Variants in APBA1 observed in about 807,000 individuals in gnomAD.
APBA1 encodes the protein amyloid beta precursor protein binding family A member 1, also known as amyloid-beta A4 precursor protein-binding family A member 1.
APBA1 carries 55 observed loss-of-function variants against 86.6 expected under a neutral mutation model. The ratio of observed to expected loss-of-function variants is 0.64; its 90% CI spans 0.51 to 0.80. APBA1 has a LOEUF of 0.80. APBA1 is among the 30% of genes least tolerant of loss of function. APBA1 has a pLI of 0.00. For synonymous variants in APBA1, 511 were observed against 493.9 expected (o/e 1.03, Z -0.46); for missense variants, 1,090 against 1,183.0 (o/e 0.92, Z 1.15).
At position 69,630,198 on chromosome 9, in the gene APBA1, A is replaced by G. The variant is rs139938226; in HGVS notation, c.-70+41955T>C. 4.6e-3 allele frequency among the ~76,000 whole-genome samples: 696 copies of G among 152,274 alleles called. 3 individuals carry two copies. Among genetic ancestry groups the G allele is most frequent in the Non-Finnish European group, 6.6e-3 (450 of 68,002 alleles). On this transcript the variant is annotated intron_variant, in intron 1 of 12. Transcript: ENST00000265381. ...AGAGCAGACTTGAAGGAGGGAACCA[A>G]AAATGCAAAGGTGCTAAAGCAAGAC... is the stretch of plus-strand genomic sequence containing the variant.
intron 1 of APBA1, among the ~76,000 whole-genome samples, chr9:69,592,371 G>A (rs1013162136): frequency 6.6e-6 from 1 of 152,208 alleles, no homozygotes; most frequent in Non-Finnish European, 1.5e-5. Context: ...CAAGGCAGGA[G>A]GCTTGCTGAA....
At chr9:69,583,781 ATCATTAAAAGC>A (rs1821964118) in intron 1 of APBA1, among the ~76,000 whole-genome samples, 1 of 152,210 alleles carries the variant, frequency 6.6e-6, no homozygotes, top group Non-Finnish European at 1.5e-5. Context: ...ATACTGCGGA[ATCATTAAAAGC>A]TCTGGCTTTG....
intron 1 of APBA1, among the ~76,000 whole-genome samples, chr9:69,606,918 A>G (rs1452052830): frequency 6.6e-6 from 1 of 152,236 alleles, no homozygotes; most frequent in Non-Finnish European, 1.5e-5. Flanking sequence ...AAAAAGGCAG[A>G]TGAAGACATT....
intron 1 of APBA1, among the ~76,000 whole-genome samples, chr9:69,610,105 G>T (rs1371451214): frequency 6.6e-6 from 1 of 152,230 alleles, no homozygotes; most frequent in South Asian, 2.1e-4. Context: ...ATCACTTGAG[G>T]CCAGGAGTTC....
At chr9:69,626,149 G>A (rs1399101387) in intron 1 of APBA1, among the ~76,000 whole-genome samples, 1 of 152,170 alleles carries the variant, frequency 6.6e-6, no homozygotes, top group African/African-American at 2.4e-5. Flanking sequence ...TGGTTCACAA[G>A]CTTATAAGGT....
At chr9:69,616,175 ACT>A (rs2133985717) in intron 1 of APBA1, among the ~76,000 whole-genome samples, 1 of 152,260 alleles carries the variant, frequency 6.6e-6, no homozygotes, top group Non-Finnish European at 1.5e-5. Flanking sequence ...ACTGTTGATT[ACT>A]CTCTGCTTTA....
chr9:69,473,420 T>C (rs779930430), intron 3 of APBA1, among the ~76,000 whole-genome samples: 5 of 152,228 alleles, frequency 3.3e-5, no homozygotes, highest in Non-Finnish European at 7.3e-5. Context: ...CAAGTAACTA[T>C]AGCCTGGGGT....
At chr9:69,482,192 A>C (rs544240260) in intron 2 of APBA1, among the ~76,000 whole-genome samples, 1 of 152,090 alleles carries the variant, frequency 6.6e-6, no homozygotes, top group East Asian at 1.9e-4. Flanking sequence ...GCAACCTACA[A>C]AAATGGGAGA....
intron 1 of APBA1, among the ~76,000 whole-genome samples, chr9:69,536,705 A>T (rs1480691966): frequency 2.5e-5 from 2 of 78,722 alleles, no homozygotes; most frequent in African/African-American, 4.5e-5. Context: ...CATCTCTACT[A>T]AAAAAAAAAA....
intron 1 of APBA1, among the ~76,000 whole-genome samples, chr9:69,595,182 C>G (rs866218372): frequency 1.8e-4 from 27 of 152,126 alleles, no homozygotes; most frequent in African/African-American, 5.8e-4. Context: ...GCCCGAGTGC[C>G]TGGGTAATAT....
chr9:69,596,663 C>A (rs2133969612), intron 1 of APBA1, among the ~76,000 whole-genome samples: 1 of 152,304 alleles, frequency 6.6e-6, no homozygotes, highest in South Asian at 2.1e-4. Context: ...ATGTTGCATT[C>A]TGTTTACATT....
intron 1 of APBA1, among the ~76,000 whole-genome samples, chr9:69,560,280 C>G (rs1836928798): frequency 6.6e-6 from 1 of 152,080 alleles, no homozygotes; most frequent in African/African-American, 2.4e-5. Context: ...TATATTTTAA[C>G]CAATTTTTCT....
chr9:69,477,060 G>A (rs1318516985), intron 2 of APBA1, among the ~76,000 whole-genome samples: 3 of 152,220 alleles, frequency 2.0e-5, no homozygotes, highest in African/African-American at 7.2e-5. Flanking sequence ...GGAGATGAAA[G>A]GAATCCTCAG....
chr9:69,598,759 C>T (rs1004386176), intron 1 of APBA1, among the ~76,000 whole-genome samples: 7 of 152,168 alleles, frequency 4.6e-5, no homozygotes, highest in African/African-American at 1.7e-4. Context: ...GGTATCCAGA[C>T]TAGCCTTGGG....
At position 69,496,603 on chromosome 9, in the gene APBA1, T is replaced by A. The variant is rs939933021; in HGVS notation, c.1200+19408A>T. ...GGCAGTCCGATTGCACCTACTCTAA[T>A]CCGAATCAGTGGGATGCAAGTCCCA... On this transcript the variant is annotated intron_variant, in intron 2 of 12. Transcript: ENST00000265381. 5.3e-5 allele frequency among the ~76,000 whole-genome samples: 8 copies of A among 152,024 alleles called. 1 individual carries two copies. The highest frequency in any genetic ancestry group is 1.9e-4 in the African/African-American group (8 of 41,372).
At chr9:69,513,075 G>C (rs1256980130) in intron 2 of APBA1, among the ~76,000 whole-genome samples, 1 of 152,112 alleles carries the variant, frequency 6.6e-6, no homozygotes, top group African/African-American at 2.4e-5. Flanking sequence ...AAAAATGACT[G>C]CTGGAATACT....
chr9:69,517,413 T>A (rs935309103), intron 1 of APBA1, 134 bp from the exon 2 acceptor site: 13 of 893,940 alleles, frequency 1.5e-5, no homozygotes, highest in Non-Finnish European at 1.8e-5. Context: ...ACTGCAAATT[T>A]AAGTTCAATC....
At position 69,516,758 on chromosome 9, in the gene APBA1, G is replaced by A; in HGVS notation, c.453C>T (p.His151=). The change falls in exon 2 of 13, where the codon CAC becomes CAT. Residue 151 remains histidine, a synonymous_variant. Transcript: ENST00000265381. This position sits in a 1 kb window ranked among gnomAD's most constrained non-coding sequence, Gnocchi z 7.3. ...THRRALPNHL[H]FHSLEHEEAM... Reference sequence around the variant, plus strand: ...CTTCCTCGTGCTCCAGCGAGTGGAAGTGCAGGTGGTTGGGCAGCGCGCGGC... The same window carrying A: ...CTTCCTCGTGCTCCAGCGAGTGGAAATGCAGGTGGTTGGGCAGCGCGCGGC... The A allele has an allele frequency of 6.2e-7, 1 of 1,612,112 alleles. No individual in the cohort carries two copies. The highest frequency in any genetic ancestry group is 8.5e-7 in the Non-Finnish European group (1 of 1,179,516).
intron 1 of APBA1, among the ~76,000 whole-genome samples, chr9:69,517,576 G>T (rs1248402422): frequency 6.6e-6 from 1 of 152,136 alleles, no homozygotes; most frequent in African/African-American, 2.4e-5. Context: ...CATTTCTGAT[G>T]CATCTGAATA....
Sources: gnomAD v4.1 joint callset for allele counts (sites outside exome capture counted in the v4.1 genomes callset) on GRCh38, gnomAD v4.1.1 for gene constraint, Gnocchi (gnomAD v3.1) non-coding constraint, MANE v1.5 for transcripts, NCBI Gene and HGNC (gene_info 2026-07-23, HGNC 2026-07-21) for gene names.